The following CSMD1 variants were observed in gnomAD, a reference collection of about 807,000 sequenced individuals.
CSMD1 encodes the protein CUB and sushi domain-containing protein 1.
A neutral mutation model predicts 417.5 loss-of-function variants in CSMD1; 213 were observed. The observed-to-expected ratio is 0.51, with a 90% CI of 0.46 to 0.57. The LOEUF is 0.57. Among genes scored for constraint, CSMD1 ranks in the 20% least tolerant of loss-of-function variants. CSMD1 has a pLI of 0.00. For synonymous variants in CSMD1, 2,862 were observed against 1,736.8 expected (o/e 1.65, Z -16.11); for missense variants, 6,923 against 4,529.7 (o/e 1.53, Z -15.17).
At chr8:4,465,223 T>C (rs1800094065) in intron 2 of CSMD1, among the ~76,000 whole-genome samples, 6 of 152,140 alleles carry the variant, frequency 3.9e-5, no homozygotes, top group Admixed American at 3.9e-4. Context: ...GTATACACAT[T>C]TGCTCTGAAG....
chr8:3,225,437 C>G (rs913161797), intron 27 of CSMD1, among the ~76,000 whole-genome samples: 3 of 151,436 alleles, frequency 2.0e-5, no homozygotes, highest in African/African-American at 7.3e-5. Flanking sequence ...GCAATTGTCC[C>G]AACAGCTCTC....
chr8:3,215,058 G>T (rs1054656269), intron 29 of CSMD1, among the ~76,000 whole-genome samples: 1 of 152,054 alleles, frequency 6.6e-6, no homozygotes, highest in African/African-American at 2.4e-5. Context: ...AAAAATTGAG[G>T]TTCATTTTCT....
At chr8:4,699,377 A>C (rs1316860190) in intron 1 of CSMD1, among the ~76,000 whole-genome samples, 1 of 151,992 alleles carries the variant, frequency 6.6e-6, no homozygotes, top group Non-Finnish European at 1.5e-5. Context: ...AGTACCCACA[A>C]CTCACACCTT....
At position 3,413,433 on chromosome 8, in the gene CSMD1, C is replaced by T. The variant is rs147647025; in HGVS notation, c.1562-3828G>A. Among the ~76,000 whole-genome samples, 418 of 152,296 alleles carry T rather than the reference C, an allele frequency of 2.7e-3. 1 individual carries two copies. The highest frequency in any genetic ancestry group is 4.7e-3 in the Non-Finnish European group (322 of 68,030). On this transcript the variant is annotated intron_variant, in intron 12 of 69. Coordinates refer to ENST00000635120, the MANE Select transcript of CSMD1 (RefSeq NM_033225.6). ...GTTTGTTTATCCTGATGCATGGCTA[C>T]GGCTGGCCGTGGACAGAACCTGTGT...
At chr8:3,127,568 CA>C (rs1192907640) in intron 41 of CSMD1, 1 of 152,254 alleles carries the variant, frequency 6.6e-6, no homozygotes, top group Admixed American at 6.5e-5. Flanking sequence ...AAAATCATTT[CA>C]CATAAAATTC....
chr8:3,920,124 T>G (rs1050678749), intron 5 of CSMD1, among the ~76,000 whole-genome samples: 3 of 152,106 alleles, frequency 2.0e-5, no homozygotes, highest in African/African-American at 7.2e-5. Flanking sequence ...GTCATGACTT[T>G]CCACACTCAG....
rs192710609 is a variant in CSMD1, at chr8:3,452,759, G to C, written c.1561+15953C>G. 2.6e-5 allele frequency among the ~76,000 whole-genome samples: 4 copies of C among 152,296 alleles called. No individual in the cohort carries two copies. In the East Asian group the frequency reaches 7.7e-4, roughly 29 times the overall value. On this transcript the variant is annotated intron_variant, in intron 12 of 69. Transcript: ENST00000635120. Reference sequence around the variant, plus strand: ...GATTTTTGCATCGATGTTCATCAGGGATATTGGTCTAAAATTCTCTTTTTT... The same window carrying C: ...GATTTTTGCATCGATGTTCATCAGGCATATTGGTCTAAAATTCTCTTTTTT...
intron 2 of CSMD1, among the ~76,000 whole-genome samples, chr8:4,469,697 T>C (rs1191005158): frequency 1.3e-5 from 2 of 152,066 alleles, no homozygotes; most frequent in Non-Finnish European, 2.9e-5. Flanking sequence ...ATCACAGGCC[T>C]AACGTCACCA....
At chr8:4,925,177 T>A (rs191206867) in intron 1 of CSMD1, among the ~76,000 whole-genome samples, 1 of 146,774 alleles carries the variant, frequency 6.8e-6, no homozygotes, top group African/African-American at 2.5e-5. Flanking sequence ...TCACTATGGT[T>A]AATCAGAGAA....
chr8:3,674,177 G>C (rs538465488), intron 7 of CSMD1, among the ~76,000 whole-genome samples: 8 of 152,214 alleles, frequency 5.3e-5, no homozygotes, highest in East Asian at 3.9e-4. Context: ...TGAAGACTTC[G>C]AGAAAATACA....
chr8:3,132,827 T>G (rs1817866381), intron 41 of CSMD1, among the ~76,000 whole-genome samples: 1 of 152,132 alleles, frequency 6.6e-6, no homozygotes, highest in Non-Finnish European at 1.5e-5. Context: ...GCTCAGGAGC[T>G]ACACAAGCTC....
At chr8:3,795,904 T>C (rs1377878157) in intron 5 of CSMD1, among the ~76,000 whole-genome samples, 3 of 60,848 alleles carry the variant, frequency 4.9e-5, no homozygotes, top group Admixed American at 1.7e-4. Context: ...GATATATATA[T>C]CATGTACAGA....
intron 5 of CSMD1, among the ~76,000 whole-genome samples, chr8:3,795,094 T>G (rs1459192910): frequency 7.7e-6 from 1 of 130,680 alleles, no homozygotes; most frequent in African/African-American, 3.0e-5. Context: ...TATAGATATA[T>G]ATCTATCATG....
rs181014616 is a variant in CSMD1, at chr8:4,758,228, G to T, written c.86-120670C>A. 1.4e-3 allele frequency among the ~76,000 whole-genome samples: 208 copies of T among 152,144 alleles called. 3 individuals carry two copies. The highest frequency in any genetic ancestry group is 0.01 in the South Asian group (49 of 4,812). On this transcript the variant is annotated intron_variant, in intron 1 of 69. Coordinates refer to ENST00000635120, the MANE Select transcript of CSMD1 (RefSeq NM_033225.6). ...TCTGATGCTGTTCCTGTCTTTATCT[G>T]GGTAAGGAGGAAGCCCACCGACTAT...
rs112073784 is a variant in CSMD1 at position 4,895,169 on chromosome 8, C to A, written c.85+99163G>T. 3.0e-3 allele frequency among the ~76,000 whole-genome samples: 458 copies of A among 152,248 alleles called. 4 individuals carry two copies. The highest frequency in any genetic ancestry group is 0.011 in the African/African-American group (439 of 41,514). ...TTCGCTTCTGTACAAAAAATAATAA[C>A]TATTTGTAGAAGGTTCAATAATAAC... On this transcript the variant is annotated intron_variant, in intron 1 of 69. Transcript: ENST00000635120.
At chr8:4,585,180 G>T (rs1486903210) in intron 2 of CSMD1, among the ~76,000 whole-genome samples, 1 of 151,178 alleles carries the variant, frequency 6.6e-6, no homozygotes, top group African/African-American at 2.4e-5. Context: ...TAAAATAACT[G>T]TGATTAATAT....
chr8:3,399,362 G>C (rs367546058), intron 16 of CSMD1, 29 bp downstream of exon 16: 1 of 1,576,408 alleles, frequency 6.3e-7, no homozygotes, highest in Non-Finnish European at 8.6e-7. Context: ...ACACCATTGG[G>C]TCCAAATGAA....
intron 5 of CSMD1, among the ~76,000 whole-genome samples, chr8:3,876,655 G>T (rs968878357): frequency 7.9e-5 from 12 of 152,072 alleles, no homozygotes; most frequent in African/African-American, 2.9e-4. Context: ...TGTTGCCTGG[G>T]GTGAAGTGCA....
Position 2,963,323 on chromosome 8 carries a change from C to G in CSMD1, c.9353G>C (p.Ser3118Thr). ...ACCGTCCATGCAGCTGTAACTTATG[C>G]TGGAGCCCCAGCGGAAATCACTTCC... Reference protein sequence around the residue: ...VEGSDFRWGSSISYSCMDGYQ... With the variant: ...VEGSDFRWGSTISYSCMDGYQ... The change falls in exon 60 of 70, where the codon AGC becomes ACC. Residue 3118 changes from serine to threonine, a missense_variant. By Grantham distance (58) the Ser-to-Thr change is moderately conservative. Coordinates refer to ENST00000635120, the MANE Select transcript of CSMD1 (RefSeq NM_033225.6). 1.2e-6 allele frequency: 2 copies of G among 1,613,978 alleles called. No individual in the cohort carries two copies. The highest frequency in any genetic ancestry group is 1.1e-5 in the South Asian group (1 of 91,082).
Sources: allele counts gnomAD v4.1 joint callset (sites outside exome capture counted in the v4.1 genomes callset), GRCh38; gene constraint gnomAD v4.1.1; transcripts MANE v1.5; gene names NCBI Gene and HGNC (gene_info 2026-07-23, HGNC 2026-07-21).